Variants in RORA observed in about 807,000 individuals in gnomAD.
The protein encoded by RORA is RAR related orphan receptor A.
A neutral mutation model predicts 69.5 loss-of-function variants in RORA; 7 were observed. The ratio of observed to expected loss-of-function variants is 0.10; its 90% CI spans 0.06 to 0.19. The LOEUF (loss-of-function observed/expected upper bound fraction) is 0.19. Ranked by LOEUF, RORA falls within the 10% of genes least tolerant of loss-of-function variation. The pLI is 1.00. For synonymous variants in RORA, 261 were observed against 240.8 expected (o/e 1.08, Z -0.78); for missense variants, 457 against 663.0 (o/e 0.69, Z 3.41).
chr15:60,500,422 T>C (rs1270052700), intron 9 of RORA, among the ~76,000 whole-genome samples: 1 of 152,196 alleles, frequency 6.6e-6, no homozygotes, highest in East Asian at 1.9e-4. Flanking sequence ...AAATTGTCAA[T>C]AGAATTCCAA....
At chr15:60,899,031 G>C (rs774509697) in intron 1 of RORA, among the ~76,000 whole-genome samples, 23 of 152,164 alleles carry the variant, frequency 1.5e-4, no homozygotes, top group Non-Finnish European at 2.8e-4. Flanking sequence ...TTTGAGTAAG[G>C]GGTGGTCCAA....
intron 1 of RORA, among the ~76,000 whole-genome samples, chr15:60,805,427 C>CAGCCAGAAGGGAGGAGTCAGG (rs2072646723): frequency 6.6e-6 from 1 of 152,182 alleles, no homozygotes; most frequent in Non-Finnish European, 1.5e-5. Context: ...GAGAAGGAGG[C>CAGCCAGAAGGGAGGAGTCAGG]AGCCAGAAGG....
At chr15:60,640,990 T>G (rs1259658269) in intron 2 of RORA, among the ~76,000 whole-genome samples, 1 of 152,214 alleles carries the variant, frequency 6.6e-6, no homozygotes, top group Non-Finnish European at 1.5e-5. Flanking sequence ...TCTCGCTCTA[T>G]TGCCCAGGTG....
In RORA at chr15:60,489,766, A is replaced by C. The variant is rs890412703; in HGVS notation, c.*7689T>G. On this transcript the variant is annotated 3_prime_UTR_variant, in exon 11 of 11. Coordinates refer to ENST00000335670, the MANE Select transcript of RORA (RefSeq NM_134261.3). ...TTATTCTGCCATCAAGCCATCTAGG[A>C]TATTTTATGTAAATGCCCATTATCT... 1.3e-5 allele frequency: 2 copies of C among 152,118 alleles called. No homozygotes were observed. The highest frequency in any genetic ancestry group is 6.5e-5 in the Admixed American group (1 of 15,274). 9.4% of individuals were successfully genotyped at this position (152,118 alleles called of 1,614,324 possible). A position where few individuals can be genotyped will look rare whatever the true frequency, so the allele number is the denominator to read the frequency against.
intron 1 of RORA, among the ~76,000 whole-genome samples, chr15:61,216,156 C>T (rs1345033402): frequency 6.6e-6 from 1 of 152,100 alleles, no homozygotes; most frequent in East Asian, 1.9e-4. Flanking sequence ...AAGCCAAAAT[C>T]GATAAAAGAC....
At chr15:60,556,387 C>T (rs375369441) in intron 2 of RORA, among the ~76,000 whole-genome samples, 1 of 152,176 alleles carries the variant, frequency 6.6e-6, no homozygotes, top group African/African-American at 2.4e-5. Flanking sequence ...ATGACAACTT[C>T]TGAATTTAAG....
chr15:60,825,779 T>G (rs1465145442), intron 1 of RORA, among the ~76,000 whole-genome samples: 1 of 152,176 alleles, frequency 6.6e-6, no homozygotes, highest in East Asian at 1.9e-4. Context: ...CTTCTAACAT[T>G]TGAATCTAAG....
intron 1 of RORA, among the ~76,000 whole-genome samples, chr15:60,856,527 A>T (rs1397700951): frequency 6.6e-6 from 1 of 151,592 alleles, no homozygotes; most frequent in Non-Finnish European, 1.5e-5. Flanking sequence ...GAGTCCTTAG[A>T]TATTATCAAA....
chr15:60,852,528 G>C (rs1374657416), intron 1 of RORA, among the ~76,000 whole-genome samples: 1 of 152,192 alleles, frequency 6.6e-6, no homozygotes, highest in East Asian at 1.9e-4. Context: ...CACCGTAGGT[G>C]CTTATGAAAT....
At chr15:60,717,796 C>CTTTTTTTT (rs10653856) in intron 1 of RORA, among the ~76,000 whole-genome samples, 7 of 91,994 alleles carry the variant, frequency 7.6e-5, no homozygotes, top group African/African-American at 1.3e-4. Flanking sequence ...TTCTTTTTCT[C>CTTTTTTTT]TTTTTTTTTT....
chr15:61,147,972 T>C lies in RORA; in HGVS notation c.166+81081A>G, dbSNP rs2079365490. ...AGGTTATGGAGAGCCACTAGGGGAC[T>C]TGAAACAAAGGGTGACAGAAACTGT... On this transcript the variant is annotated intron_variant, in intron 1 of 10. Coordinates refer to ENST00000335670, the MANE Select transcript of RORA (RefSeq NM_134261.3). This position sits in a 1 kb window ranked among gnomAD's most constrained non-coding sequence, Gnocchi z 4.1. Among the ~76,000 whole-genome samples the C allele has an allele frequency of 6.6e-6, 1 of 150,954 alleles. No individual in the cohort carries two copies. The highest frequency in any genetic ancestry group is 2.5e-5 in the African/African-American group (1 of 40,246).
rs543353825 is a variant in RORA at position 60,978,961 on chromosome 15, C to CT, written c.166+250091dup. On this transcript the variant is annotated intron_variant, in intron 1 of 10. Transcript: ENST00000335670. ...GAAGTGTGAGTCCTCCAACTTTGCT[C>CT]TTTTTTTTTTTTTTTTTTGAGACGG... Among the ~76,000 whole-genome samples, 340 of 95,140 alleles carry CT rather than the reference C, an allele frequency of 3.6e-3. 14 individuals carry two copies. Among genetic ancestry groups the CT allele is most frequent in the African/African-American group, 0.01 (256 of 24,430 alleles). The allele number at this position is 95,140 out of a possible 152,430, so 62.4% of individuals were successfully genotyped here.
chr15:61,227,799 G>A (rs941540115), intron 1 of RORA, among the ~76,000 whole-genome samples: 5 of 152,162 alleles, frequency 3.3e-5, no homozygotes, highest in Non-Finnish European at 5.9e-5. Flanking sequence ...CAGGCGGCTC[G>A]CGCGAGCACG....
intron 1 of RORA, among the ~76,000 whole-genome samples, chr15:60,894,926 C>G (rs138023371): frequency 6.6e-6 from 1 of 152,302 alleles, no homozygotes; most frequent in East Asian, 1.9e-4. Context: ...CTCGTTGTCA[C>G]AGCATCAAGC....
intron 1 of RORA, among the ~76,000 whole-genome samples, chr15:61,066,679 T>G (rs1335360763): frequency 6.6e-6 from 1 of 151,754 alleles, no homozygotes; most frequent in African/African-American, 2.4e-5. Context: ...CCACCCACCT[T>G]GGCCTCCCAA....
chr15:61,032,445 G>T (rs563868757), intron 1 of RORA, among the ~76,000 whole-genome samples: 1 of 152,306 alleles, frequency 6.6e-6, no homozygotes, highest in South Asian at 2.1e-4. Context: ...AAAATTAAAA[G>T]TTGGTTTTCA....
chr15:61,227,198 T>TC (rs1008578502), intron 1 of RORA, among the ~76,000 whole-genome samples: 7 of 67,074 alleles, frequency 1.0e-4, no homozygotes, highest in South Asian at 5.9e-4. Flanking sequence ...AAATACTATG[T>TC]CCCCCCCATT....
At chr15:60,715,423 C>G (rs2071207314) in intron 1 of RORA, among the ~76,000 whole-genome samples, 1 of 152,178 alleles carries the variant, frequency 6.6e-6, no homozygotes, top group African/African-American at 2.4e-5. Context: ...GGCTGGTGGT[C>G]AACTTTCATG....
intron 1 of RORA, among the ~76,000 whole-genome samples, chr15:60,745,323 C>T (rs960664941): frequency 6.6e-6 from 1 of 152,232 alleles, no homozygotes; most frequent in Non-Finnish European, 1.5e-5. Flanking sequence ...TCTCCCCATA[C>T]GTTCCCGTCA....
Sources: allele counts gnomAD v4.1 joint callset (sites outside exome capture counted in the v4.1 genomes callset), GRCh38; gene constraint gnomAD v4.1.1; non-coding constraint Gnocchi (gnomAD v3.1); transcripts MANE v1.5; gene names NCBI Gene and HGNC (gene_info 2026-07-23, HGNC 2026-07-21).